ZNF438: variants seen among roughly 807,000 people sequenced by gnomAD.
ZNF438 encodes the protein zinc finger protein 438.
ZNF438 carries 25 observed loss-of-function variants against 38.0 expected under a neutral mutation model. The ratio of observed to expected loss-of-function variants is 0.66; its 90% confidence interval spans 0.48 to 0.92. The LOEUF (loss-of-function observed/expected upper bound fraction) is 0.92, where lower values mean the gene tolerates loss of function less well. ZNF438 is among the 40% of genes least tolerant of loss of function. The pLI is 0.00. For synonymous variants in ZNF438, 372 were observed against 364.1 expected, an observed-to-expected ratio of 1.02 and a Z score of -0.25; for missense variants, 1,007 against 999.6, an observed-to-expected ratio of 1.01 and a Z score of -0.10.
intron 5 of ZNF438, 133 bp from the exon 7 acceptor site, chr10:30,845,706 A>T (rs1564463902): frequency 9.2e-7 from 1 of 1,083,040 alleles, no homozygotes; most frequent in Non-Finnish European, 1.3e-6. Context: ...GTAAACAGAG[A>T]GCACCTGGGA....
chr10:30,927,509 T>A (rs541648819), intron 2 of ZNF438, among the ~76,000 whole-genome samples: 4 of 152,356 alleles, frequency 2.6e-5, no homozygotes, highest in Admixed American at 1.3e-4. Context: ...TTTCCCACCC[T>A]AGCTAAAGAT....
chr10:30,933,058 T>C lies in ZNF438; in HGVS notation c.-115+8517A>G, dbSNP rs570348967. On this transcript the variant is annotated intron_variant, in intron 2 of 5. Transcript: ENST00000413025. ...ACTATAAGAGAATAAATTTCTGTTA[T>C]TTAAAGCCACCCAGTTTGTAGTACT... 3.3e-5 allele frequency among the ~76,000 whole-genome samples: 5 copies of C among 152,354 alleles called. No individual in the cohort carries two copies. In the East Asian group the frequency reaches 9.6e-4, roughly 29 times the overall value.
In ZNF438 at chr10:30,850,054, CA is replaced by C. The variant is rs1564482605; in HGVS notation, c.350del (p.Leu117ArgfsTer23). On this transcript the variant is annotated frameshift_variant, in exon 5 of 6. Transcript: ENST00000413025. LOFTEE classifies it high-confidence loss of function. ...GTTGATATCTAGGAATAGGAAGTTT[CA>C]GGTTTTCAGGTAGGGACATTCTGGG... The C allele has an allele frequency of 6.2e-7, 1 of 1,614,096 alleles. No homozygotes were observed. The highest frequency in any genetic ancestry group is 1.7e-5 in the Admixed American group (1 of 60,010).
intron 1 of ZNF438, among the ~76,000 whole-genome samples, chr10:30,991,169 C>G (rs1209335736): frequency 6.6e-6 from 1 of 152,164 alleles, no homozygotes; most frequent in Non-Finnish European, 1.5e-5. Flanking sequence ...GAGCTCTAGT[C>G]CAGAAGGTCC....
chr10:30,892,221 C>T (rs1177108173), intron 3 of ZNF438, among the ~76,000 whole-genome samples: 2 of 132,494 alleles, frequency 1.5e-5, no homozygotes, highest in African/African-American at 3.4e-5. Context: ...GTGGATAGTA[C>T]GAAACCCTAT....
chr10:30,977,373 T>C (rs1462430538), intron 1 of ZNF438, among the ~76,000 whole-genome samples: 1 of 152,200 alleles, frequency 6.6e-6, no homozygotes, highest in East Asian at 1.9e-4. Context: ...TGCCAAAATA[T>C]GGGGTGACAG....
chr10:30,995,111 TAAAAG>T lies in ZNF438; in HGVS notation c.-192+36717_-192+36721del, dbSNP rs150969330. Reference sequence around the variant, plus strand: ...ATGGTTGAAATCTTTCCAAATTTGATAAAAGAAAAAGAAATATGAATCTACACATC... The same window carrying T: ...ATGGTTGAAATCTTTCCAAATTTGATAAAAAGAAATATGAATCTACACATC... On this transcript the variant is annotated intron_variant, in intron 1 of 5. Transcript: ENST00000413025. Among the ~76,000 whole-genome samples, 612 of 149,320 alleles carry T rather than the reference TAAAAG, an allele frequency of 4.1e-3. 7 individuals are homozygous for T. Among genetic ancestry groups the T allele is most frequent in the African/African-American group, 0.014 (574 of 40,534 alleles).
At chr10:30,942,188 G>A (rs1263879493) in intron 1 of ZNF438, among the ~76,000 whole-genome samples, 1 of 152,198 alleles carries the variant, frequency 6.6e-6, no homozygotes, top group Non-Finnish European at 1.5e-5. Flanking sequence ...AATACAAAGA[G>A]AAAGAGAGAA....
intron 4 of ZNF438, among the ~76,000 whole-genome samples, chr10:30,865,781 G>T (rs2036320560): frequency 6.6e-6 from 1 of 152,144 alleles, no homozygotes; most frequent in Non-Finnish European, 1.5e-5. Context: ...TGGCTTTGGT[G>T]TTTCTATTTA....
chr10:30,849,176 T>A, exon 5 of ZNF438: 1 of 1,613,926 alleles, frequency 6.2e-7, no homozygotes, highest in Non-Finnish European at 8.5e-7. Context: ...TTCTTTACCA[T>A]CTCTACACTT....
At chr10:30,863,960 G>T (rs2035999703) in intron 4 of ZNF438, among the ~76,000 whole-genome samples, 1 of 152,118 alleles carries the variant, frequency 6.6e-6, no homozygotes, top group South Asian at 2.1e-4. Flanking sequence ...CTATTTACTT[G>T]TCCCTAAGAG....
chr10:31,029,275 A>G (rs576782518), intron 1 of ZNF438, among the ~76,000 whole-genome samples: 1 of 152,258 alleles, frequency 6.6e-6, no homozygotes, highest in Admixed American at 6.5e-5. Flanking sequence ...ATGAATTAAT[A>G]TAGGTTAAAG....
intron 2 of ZNF438, among the ~76,000 whole-genome samples, chr10:30,938,507 C>G (rs1309623826): frequency 6.6e-6 from 1 of 151,938 alleles, no homozygotes; most frequent in Non-Finnish European, 1.5e-5. Context: ...AACTCCTGAC[C>G]TCAGGTGATC....
chr10:30,881,779 A>G (rs945620433), intron 3 of ZNF438, among the ~76,000 whole-genome samples: 6 of 152,178 alleles, frequency 3.9e-5, no homozygotes, highest in African/African-American at 1.4e-4. Flanking sequence ...AAATAAATCT[A>G]CACAGATATG....
intron 2 of ZNF438, among the ~76,000 whole-genome samples, chr10:30,941,292 G>A (rs930576823): frequency 2.6e-5 from 4 of 152,118 alleles, no homozygotes; most frequent in East Asian, 1.9e-4. Flanking sequence ...GGCTGGTCTC[G>A]AAATCCTGAT....
intron 1 of ZNF438, among the ~76,000 whole-genome samples, chr10:31,021,819 C>T (rs1398726689): frequency 1.3e-5 from 2 of 152,068 alleles, no homozygotes; most frequent in Non-Finnish European, 2.9e-5. Context: ...AAAGGAGACT[C>T]AAAAATGAGG....
chr10:30,905,954 A>T (rs76134181), intron 3 of ZNF438, among the ~76,000 whole-genome samples: 2,391 of 152,252 alleles, frequency 0.016, 58 homozygotes, highest in African/African-American at 0.054. Context: ...CCACACTGTT[A>T]TTTATTATAG....
intron 1 of ZNF438, among the ~76,000 whole-genome samples, chr10:30,948,919 A>C (rs531305585): frequency 0.036 from 5,415 of 151,988 alleles, 148 homozygotes; most frequent in Middle Eastern, 0.051. Context: ...GATACTCCTC[A>C]AGAAGAGCAA....
intron 1 of ZNF438, among the ~76,000 whole-genome samples, chr10:31,014,553 G>T (rs1163814615): frequency 1.8e-4 from 27 of 152,070 alleles, no homozygotes; most frequent in Admixed American, 1.8e-3. Flanking sequence ...GAGGATTAGG[G>T]CTTCCACATG....
Sources: gnomAD v4.1 joint callset for allele counts (sites outside exome capture counted in the v4.1 genomes callset) on GRCh38, gnomAD v4.1.1 for gene constraint, MANE v1.5 for transcripts, NCBI Gene and HGNC (gene_info 2026-07-23, HGNC 2026-07-21) for gene names.